HSPBAP1: variants seen among roughly 807,000 people sequenced by gnomAD.
The protein encoded by HSPBAP1 is HSPB1 associated protein 1.
In HSPBAP1, 27 loss-of-function variants were observed where a neutral mutation model predicts 45.2. The observed-to-expected ratio is 0.60, with a 90% CI of 0.44 to 0.82. The LOEUF is 0.82. Among genes scored for constraint, HSPBAP1 ranks in the 40% least tolerant of loss-of-function variants. The pLI is 0.00. For synonymous variants in HSPBAP1, 204 were observed against 202.7 expected, an observed-to-expected ratio of 1.01 and a Z score of -0.06; for missense variants, 510 against 590.9, an observed-to-expected ratio of 0.86 and a Z score of 1.42.
At position 122,740,632 on chromosome 3, in the gene HSPBAP1, G is replaced by A; in HGVS notation, c.1180C>T (p.Pro394Ser). Residue 394 changes from proline to serine, a missense_variant, in exon 8 of 8, where the codon CCT becomes TCT. By Grantham distance (74) the Pro-to-Ser change is moderately conservative (BLOSUM62 -1). Transcript: ENST00000306103. Reference sequence around the variant, plus strand: ...GGTTCTTCGGACCTCTGTGCTACAGGGACCAGATCAGGGCCAAAGGGACTT... The same window carrying A: ...GGTTCTTCGGACCTCTGTGCTACAGAGACCAGATCAGGGCCAAAGGGACTT... Reference protein sequence around the residue: ...AASPFGPDLVPVAQRSEEPPS... With the variant: ...AASPFGPDLVSVAQRSEEPPS... 3 of 1,614,074 alleles carry A rather than the reference G, an allele frequency of 1.9e-6. No individual in the cohort carries two copies. Among genetic ancestry groups the A allele is most frequent in the Non-Finnish European group, 2.5e-6 (3 of 1,180,024 alleles).
At chr3:122,757,662 C>G (rs1168340196) in intron 4 of HSPBAP1, among the ~76,000 whole-genome samples, 1 of 152,154 alleles carries the variant, frequency 6.6e-6, no homozygotes, top group Non-Finnish European at 1.5e-5. Flanking sequence ...GGTCCCTGTA[C>G]AGAAGGATAC....
In HSPBAP1 at chr3:122,752,640, A is replaced by G; in HGVS notation, c.776T>C (p.Val259Ala). Residue 259 changes from valine (V) to alanine (A), a missense_variant, in exon 6 of 8, where the codon GTA becomes GCA. Transcript: ENST00000306103. ...GACAGTGACAGGATCAATGGATTCT[A>G]CGTAATGCCACCAGTGTCTGGGAAC... Reference protein sequence around the residue: ...LFVPRHWWHYVESIDPVTVSI... With the variant: ...LFVPRHWWHYAESIDPVTVSI... 6.2e-7 allele frequency: 1 copy of G among 1,609,908 alleles called. No individual in the cohort carries two copies. The highest frequency in any genetic ancestry group is 8.5e-7 in the Non-Finnish European group (1 of 1,178,368).
chr3:122,758,216 G>A (rs1012850072), intron 4 of HSPBAP1, among the ~76,000 whole-genome samples: 1 of 152,052 alleles, frequency 6.6e-6, no homozygotes, highest in Non-Finnish European at 1.5e-5. Flanking sequence ...GAAAAGACTG[G>A]GGCATCATTA....
chr3:122,754,838 C>T, intron 5 of HSPBAP1: 1 of 988,648 alleles, frequency 1.0e-6, no homozygotes, highest in Non-Finnish European at 1.2e-6. Flanking sequence ...TGCCCGTTGG[C>T]CCACACCTGG....
At chr3:122,758,641 C>T in intron 4 of HSPBAP1, 1 of 430,288 alleles carries the variant, frequency 2.3e-6, no homozygotes, top group Admixed American at 2.7e-5. Context: ...ATAGGCTGGG[C>T]ATAGTGGCTC....
intron 6 of HSPBAP1, among the ~76,000 whole-genome samples, chr3:122,747,765 T>C (rs1462222357): frequency 6.8e-6 from 1 of 147,192 alleles, no homozygotes; most frequent in African/African-American, 2.5e-5. Flanking sequence ...GGTGGGGGGG[T>C]CAGCCCCCCG....
At chr3:122,752,496 A>G (rs1377581243) in intron 6 of HSPBAP1, 95 bp downstream of exon 6, 12 of 701,098 alleles carry the variant, frequency 1.7e-5, no homozygotes, top group Non-Finnish European at 1.4e-5. Flanking sequence ...GGTTAAAAAA[A>G]ATTAATTACC....
intron 2 of HSPBAP1, among the ~76,000 whole-genome samples, chr3:122,769,278 A>T (rs1337418227): frequency 6.6e-6 from 1 of 152,258 alleles, no homozygotes; most frequent in Non-Finnish European, 1.5e-5. Flanking sequence ...TAGATTTAAT[A>T]ATCCAAACTT....
At chr3:122,792,342 G>A (rs1289108581) in intron 1 of HSPBAP1, among the ~76,000 whole-genome samples, 1 of 152,132 alleles carries the variant, frequency 6.6e-6, no homozygotes, top group Non-Finnish European at 1.5e-5. Flanking sequence ...AAAAAGTGCA[G>A]GAAGGGACAA....
chr3:122,777,976 A>G (rs901426867), intron 1 of HSPBAP1, 70 bp from the exon 2 acceptor site: 5 of 975,274 alleles, frequency 5.1e-6, no homozygotes, highest in Non-Finnish European at 6.2e-6. Flanking sequence ...TGGAGAAAAA[A>G]TAGCTAATAT....
chr3:122,741,027 G>A lies in HSPBAP1; in HGVS notation c.912C>T (p.Thr304=). 1 of 1,614,070 alleles carries A rather than the reference G, an allele frequency of 6.2e-7. No homozygotes were observed. Among genetic ancestry groups the A allele is most frequent in the Admixed American group, 1.7e-5 (1 of 60,026 alleles). The change falls in exon 7 of 8, where the codon ACC becomes ACT. Residue 304 remains threonine, a synonymous_variant. Coordinates refer to ENST00000306103, the MANE Select transcript of HSPBAP1 (RefSeq NM_024610.6). The stretch of plus-strand genomic sequence containing the variant: ...CCTCAGTGGGGTTTAACCAGGCTCT[G>A]GTATTTTGTGGATTCTCTGCAGTTT... ...ALKTAENPQN[T]RAWLNPTEVE... is the part of the protein sequence containing the mutation.
chr3:122,763,611 T>C (rs539263883), intron 3 of HSPBAP1, among the ~76,000 whole-genome samples: 7 of 152,340 alleles, frequency 4.6e-5, no homozygotes, highest in Admixed American at 3.9e-4. Context: ...GAAAATAATT[T>C]TGATCTCAAA....
rs545596831 is a variant in HSPBAP1 at position 122,749,758 on chromosome 3, G to A, written c.825+2833C>T. ...TGAGTAGCTGGAACTACAGGCATGC[G>A]CCACCATGCCCGGCTAATTTTTTGT... is the stretch of plus-strand genomic sequence containing the variant. On this transcript the variant is annotated intron_variant, in intron 6 of 7. Transcript: ENST00000306103. Among the ~76,000 whole-genome samples, 121 of 151,844 alleles carry A rather than the reference G, an allele frequency of 8.0e-4. 1 individual carries two copies. The highest frequency in any genetic ancestry group is 1.5e-3 in the Non-Finnish European group (102 of 67,972).
intron 2 of HSPBAP1, among the ~76,000 whole-genome samples, chr3:122,772,357 A>G (rs906193310): frequency 6.6e-6 from 1 of 152,204 alleles, no homozygotes; most frequent in African/African-American, 2.4e-5. Flanking sequence ...AAGAGTAATT[A>G]GGGAGGATGA....
chr3:122,785,404 C>T lies in HSPBAP1; in HGVS notation c.65-7498G>A, dbSNP rs556432746. ...TCAGTTTAGCAAGAATTGCCCCCAT[C>T]CCTGATATCTGATCAGGTTCTTCAC... is the stretch of plus-strand genomic sequence containing the variant. On this transcript the variant is annotated intron_variant, in intron 1 of 7. Coordinates refer to ENST00000306103, the MANE Select transcript of HSPBAP1 (RefSeq NM_024610.6). 1.1e-4 allele frequency among the ~76,000 whole-genome samples: 17 copies of T among 152,296 alleles called. 1 individual carries two copies. In the East Asian group the frequency reaches 1.2e-3, roughly 10 times the overall value.
rs940981808 is a variant in HSPBAP1 at position 122,740,141 on chromosome 3, A to G, written c.*204T>C. ...AAGTATGGGATGAGAGAGGAACAAA[A>G]GCTTACAAACAAAGAGCAGCCAGTT... On this transcript the variant is annotated 3_prime_UTR_variant, in exon 8 of 8. Coordinates refer to ENST00000306103, the MANE Select transcript of HSPBAP1 (RefSeq NM_024610.6). The G allele has an allele frequency of 5.7e-6, 2 of 351,500 alleles. No individual in the cohort carries two copies. Among genetic ancestry groups the G allele is most frequent in the African/African-American group, 4.3e-5 (2 of 46,986 alleles). The allele number at this position is 351,500 out of a possible 1,614,324, so 21.8% of individuals were successfully genotyped here.
At chr3:122,741,387 A>G (rs1310662058) in intron 6 of HSPBAP1, 1 of 358,290 alleles carries the variant, frequency 2.8e-6, no homozygotes. Context: ...TATTTTCTCC[A>G]ATCTTTTCCA....
chr3:122,768,719 G>C lies in HSPBAP1; in HGVS notation c.414C>G (p.Asp138Glu). Residue 138 changes from aspartate (D) to glutamate (E), a missense_variant, in exon 3 of 8, where the codon GAC (aspartate) becomes GAG (glutamate). By Grantham distance (45) the Asp-to-Glu change is conservative. Transcript: ENST00000306103. ...GACTTACCTGGAAAAGATCTGTCTT[G>C]TCTTCAAATAGACTGACAAAATATT... ...DYKYFVSLFE[D>E]KTDLFQDVKW... The C allele has an allele frequency of 6.2e-7, 1 of 1,611,420 alleles. No homozygotes were observed. Among genetic ancestry groups the C allele is most frequent in the Non-Finnish European group, 8.5e-7 (1 of 1,177,712 alleles).
intron 2 of HSPBAP1, among the ~76,000 whole-genome samples, chr3:122,771,266 T>C (rs1934985701): frequency 6.6e-6 from 1 of 152,264 alleles, no homozygotes. Flanking sequence ...GATTTTGTTA[T>C]AATGACAATT....
Sources: gnomAD v4.1 joint callset for allele counts (sites outside exome capture counted in the v4.1 genomes callset) on GRCh38, gnomAD v4.1.1 for gene constraint, MANE v1.5 for transcripts, NCBI Gene and HGNC (gene_info 2026-07-23, HGNC 2026-07-21) for gene names.